TGFBR2: variants seen among roughly 807,000 people sequenced by gnomAD.
TGFBR2 encodes transforming growth factor beta receptor 2.
A neutral mutation model predicts 49.0 loss-of-function variants in TGFBR2; 18 were observed. The ratio of observed to expected loss-of-function variants is 0.37; its 90% CI spans 0.25 to 0.54. The LOEUF (loss-of-function observed/expected upper bound fraction) is 0.54, where lower values mean the gene tolerates loss of function less well. Among genes scored for constraint, TGFBR2 ranks in the 20% least tolerant of loss-of-function variants. The probability of loss-of-function intolerance (pLI) is 0.85; values close to 1 mark genes in which losing one functional copy is unlikely to be tolerated. For synonymous variants in TGFBR2, 282 were observed against 275.9 expected (o/e 1.02, Z -0.22); for missense variants, 525 against 722.6 (o/e 0.73, Z 3.13).
intron 3 of TGFBR2, among the ~76,000 whole-genome samples, chr3:30,661,105 A>G (rs961929890): frequency 1.3e-5 from 2 of 152,232 alleles, no homozygotes; most frequent in Admixed American, 6.5e-5. Flanking sequence ...AGGTTTCCTG[A>G]GAACATGAGG....
At chr3:30,630,923 T>C (rs1185398161) in intron 1 of TGFBR2, among the ~76,000 whole-genome samples, 2 of 152,098 alleles carry the variant, frequency 1.3e-5, no homozygotes, top group African/African-American at 4.8e-5. Flanking sequence ...CCTCTAGAAC[T>C]GTGAAAAATT....
chr3:30,614,636 T>C (rs986916267), intron 1 of TGFBR2, among the ~76,000 whole-genome samples: 3 of 152,218 alleles, frequency 2.0e-5, no homozygotes, highest in African/African-American at 4.8e-5. Context: ...CTACCACTTA[T>C]TGAGGTCTTG....
rs1353013238 is a variant in TGFBR2, at chr3:30,644,926, C to A, written c.263+11C>A. ...CTGTGTGGCTGTATGGTAAGCAAGC[C>A]TTTTAAGAAGTTATTCTTTCTTTTC... On this transcript the variant is annotated intron_variant, in intron 2 of 6. Coordinates refer to ENST00000295754, the MANE Select transcript of TGFBR2 (RefSeq NM_003242.6). 2.5e-6 allele frequency: 4 copies of A among 1,612,258 alleles called. No individual in the cohort carries two copies. Among genetic ancestry groups the A allele is most frequent in the Non-Finnish European group, 3.4e-6 (4 of 1,178,518 alleles).
At chr3:30,683,302 GTT>G (rs1171677110) in intron 5 of TGFBR2, among the ~76,000 whole-genome samples, 1 of 152,164 alleles carries the variant, frequency 6.6e-6, no homozygotes, top group Non-Finnish European at 1.5e-5. Flanking sequence ...CAAACTCTCT[GTT>G]ACAGATTTGC....
intron 3 of TGFBR2, among the ~76,000 whole-genome samples, chr3:30,660,739 G>A (rs1019151434): frequency 4.6e-5 from 7 of 152,186 alleles, no homozygotes; most frequent in African/African-American, 1.4e-4. Context: ...CAAGGTCAAC[G>A]GCCTCATTGG....
intron 6 of TGFBR2, among the ~76,000 whole-genome samples, chr3:30,689,028 G>A (rs1314531975): frequency 1.3e-5 from 2 of 152,208 alleles, no homozygotes; most frequent in Non-Finnish European, 2.9e-5. Flanking sequence ...GAGTGAGCAC[G>A]CGTGGGAAAG....
chr3:30,688,604 G>T (rs1024104918), intron 6 of TGFBR2, 93 bp downstream of exon 6: 3 of 1,555,758 alleles, frequency 1.9e-6, no homozygotes, highest in Non-Finnish European at 2.6e-6. Context: ...TAAATCTGAG[G>T]GAAGGTCCCA....
intron 3 of TGFBR2, among the ~76,000 whole-genome samples, chr3:30,669,723 C>T (rs368870061): frequency 1.3e-5 from 2 of 152,222 alleles, no homozygotes; most frequent in East Asian, 1.9e-4. Flanking sequence ...TCCTTAGTTC[C>T]TGCTGGCATT....
chr3:30,687,970 C>G (rs1368357422), intron 5 of TGFBR2, among the ~76,000 whole-genome samples: 2 of 152,166 alleles, frequency 1.3e-5, no homozygotes, highest in Non-Finnish European at 2.9e-5. Context: ...TTTTAAATCT[C>G]TTTGTATACT....
At position 30,692,445 on chromosome 3, in the gene TGFBR2, T is replaced by C. The variant is rs1302255055; in HGVS notation, c.*846T>C. On this transcript the variant is annotated 3_prime_UTR_variant, in exon 7 of 7. Coordinates refer to ENST00000295754, the MANE Select transcript of TGFBR2 (RefSeq NM_003242.6). The stretch of plus-strand genomic sequence containing the variant: ...GGTTGCAGAAAAATCAGAACAGATG[T>C]CCCCATCCATGCGATTGCCCCACCA... 1 of 232,096 alleles carries C rather than the reference T, an allele frequency of 4.3e-6. No individual in the cohort carries two copies. The highest frequency in any genetic ancestry group is 8.5e-6 in the Non-Finnish European group (1 of 117,298). The allele number at this position is 232,096 out of a possible 1,614,324, so 14.4% of individuals were successfully genotyped here. A position where few individuals can be genotyped will look rare whatever the true frequency, so the allele number is the denominator to read the frequency against.
intron 1 of TGFBR2, among the ~76,000 whole-genome samples, chr3:30,612,268 A>T (rs578246799): frequency 6.6e-6 from 1 of 152,248 alleles, no homozygotes; most frequent in Non-Finnish European, 1.5e-5. Context: ...TATTTTATGG[A>T]TGGAAAGATG....
intron 3 of TGFBR2, among the ~76,000 whole-genome samples, chr3:30,666,539 G>A (rs915561023): frequency 6.6e-6 from 1 of 152,094 alleles, no homozygotes; most frequent in Non-Finnish European, 1.5e-5. Flanking sequence ...GTGGATGGCT[G>A]TAAAATCACT....
At position 30,693,657 on chromosome 3, in the gene TGFBR2, C is replaced by T; in HGVS notation, c.*2058C>T. ...AGCATAGAGGCGCCTAGAAATTCCA[C>T]TTGCACCGTAGGGCATGCTGATACC... On this transcript the variant is annotated 3_prime_UTR_variant, in exon 7 of 7. Coordinates refer to ENST00000295754, the MANE Select transcript of TGFBR2 (RefSeq NM_003242.6). 8.6e-6 allele frequency: 2 copies of T among 233,610 alleles called. No homozygotes were observed. The highest frequency in any genetic ancestry group is 1.7e-5 in the Non-Finnish European group (2 of 117,926). 14.5% of individuals were successfully genotyped at this position (233,610 alleles called of 1,614,324 possible).
rs916975588 is a variant in TGFBR2, at chr3:30,688,269, T to C, written c.1397-115T>C. On this transcript the variant is annotated intron_variant, in intron 5 of 6. Coordinates refer to ENST00000295754, the MANE Select transcript of TGFBR2 (RefSeq NM_003242.6). The stretch of plus-strand genomic sequence containing the variant: ...AAAATTTGCTCTTAGAGTAATTACG[T>C]ATGTATTTGTTACTTAGTGCTTCAT... 11 of 1,328,908 alleles carry C rather than the reference T, an allele frequency of 8.3e-6. No individual in the cohort carries two copies. The African/African-American group carries it at 1.6e-4, about 19-fold the overall frequency. 82.3% of individuals were successfully genotyped at this position (1,328,908 alleles called of 1,614,324 possible).
intron 1 of TGFBR2, among the ~76,000 whole-genome samples, chr3:30,609,544 G>A (rs757940585): frequency 2.0e-5 from 3 of 151,564 alleles, no homozygotes; most frequent in African/African-American, 4.8e-5. Context: ...TTTTTTCTTC[G>A]TTTTTGACTT....
At chr3:30,686,547 AG>A (rs1209398618) in intron 5 of TGFBR2, among the ~76,000 whole-genome samples, 1 of 152,222 alleles carries the variant, frequency 6.6e-6, no homozygotes, top group African/African-American at 2.4e-5. Flanking sequence ...GTTCTGGAAA[AG>A]GGGAAAAAAG....
intron 3 of TGFBR2, among the ~76,000 whole-genome samples, chr3:30,660,853 T>G (rs150333223): frequency 6.6e-6 from 1 of 152,328 alleles, no homozygotes; most frequent in South Asian, 2.1e-4. Flanking sequence ...GTTTGGGTGC[T>G]ACTGCCTTGG....
At chr3:30,641,073 A>G (rs764572678) in intron 1 of TGFBR2, among the ~76,000 whole-genome samples, 1 of 152,120 alleles carries the variant, frequency 6.6e-6, no homozygotes, top group Non-Finnish European at 1.5e-5. Flanking sequence ...ACTGGCCCTC[A>G]TCCCACTCTG....
chr3:30,630,925 T>A (rs1698425361), intron 1 of TGFBR2, among the ~76,000 whole-genome samples: 1 of 152,094 alleles, frequency 6.6e-6, no homozygotes, highest in Non-Finnish European at 1.5e-5. Context: ...TCTAGAACTG[T>A]GAAAAATTTC....
Sources: gnomAD v4.1 joint callset for allele counts (sites outside exome capture counted in the v4.1 genomes callset) on GRCh38, gnomAD v4.1.1 for gene constraint, MANE v1.5 for transcripts, NCBI Gene and HGNC (gene_info 2026-07-23, HGNC 2026-07-21) for gene names.